The following VEGFC variants were observed in gnomAD, a reference collection of about 807,000 sequenced individuals.
The protein encoded by VEGFC is vascular endothelial growth factor C, also known as FLT4 ligand DHM.
Under a neutral mutation model 46.1 loss-of-function variants are expected in VEGFC, and 12 were observed. The observed-to-expected ratio is 0.26, with a 90% CI of 0.17 to 0.42. VEGFC has a LOEUF of 0.42. Among genes scored for constraint, VEGFC ranks in the 10% least tolerant of loss-of-function variants. The probability of loss-of-function intolerance (pLI) is 1.00; values close to 1 mark genes in which losing one functional copy is unlikely to be tolerated. For synonymous variants in VEGFC, 232 were observed against 195.5 expected (o/e 1.19, Z -1.56); for missense variants, 488 against 529.4 (o/e 0.92, Z 0.77).
At chr4:176,692,427 AAAAAACG>A (rs59833811) in intron 4 of VEGFC, among the ~76,000 whole-genome samples, 162 of 114,604 alleles carry the variant, frequency 1.4e-3, no homozygotes, top group African/African-American at 9.2e-3. Flanking sequence ...AAAAAAAAAC[AAAAAACG>A]GCACACCACG....
intron 3 of VEGFC, among the ~76,000 whole-genome samples, chr4:176,711,862 A>G (rs1401297280): frequency 6.6e-6 from 1 of 152,324 alleles, no homozygotes; most frequent in East Asian, 1.9e-4. Context: ...CCATATGTTT[A>G]TCTTATGTCA....
At chr4:176,759,203 G>A (rs1735485110) in intron 1 of VEGFC, among the ~76,000 whole-genome samples, 1 of 151,962 alleles carries the variant, frequency 6.6e-6, no homozygotes, top group African/African-American at 2.4e-5. Flanking sequence ...CTACCCTTTG[G>A]AAAGACTTCT....
chr4:176,737,520 G>A (rs1735077029), intron 1 of VEGFC, among the ~76,000 whole-genome samples: 1 of 150,432 alleles, frequency 6.6e-6, no homozygotes, highest in South Asian at 2.1e-4. Flanking sequence ...TGTAATTTAT[G>A]AATGTTCAAA....
Position 176,716,584 on chromosome 4 carries a change from G to GAAA in VEGFC, c.553-4937_553-4935dup, listed in dbSNP as rs57274087. The stretch of plus-strand genomic sequence containing the variant: ...GCCAACAGAGGTGGACTCCCTCTCC[G>GAAA]AAAAAAAAAAAAAAAAAAAAAAGAA... On this transcript the variant is annotated intron_variant, in intron 3 of 6. Transcript: ENST00000618562. Among the ~76,000 whole-genome samples the GAAA allele has an allele frequency of 6.4e-4, 28 of 43,732 alleles. 1 individual carries two copies. The highest frequency in any genetic ancestry group is 2.0e-3 in the African/African-American group (20 of 10,062). 28.7% of individuals were successfully genotyped at this position (43,732 alleles called of 152,430 possible).
intron 1 of VEGFC, among the ~76,000 whole-genome samples, chr4:176,748,383 A>G (rs972298241): frequency 1.3e-5 from 2 of 152,122 alleles, no homozygotes; most frequent in African/African-American, 4.8e-5. Context: ...ATCCAACCTC[A>G]TTAAAGTTTC....
chr4:176,739,623 C>G (rs182087549), intron 1 of VEGFC, among the ~76,000 whole-genome samples: 2 of 151,440 alleles, frequency 1.3e-5, no homozygotes, highest in African/African-American at 4.8e-5. Flanking sequence ...GGGAACGCAT[C>G]GGAAGAATAG....
chr4:176,694,977 G>A (rs1464067119), intron 4 of VEGFC, among the ~76,000 whole-genome samples: 1 of 137,476 alleles, frequency 7.3e-6, no homozygotes, highest in African/African-American at 3.0e-5. Flanking sequence ...CGCATTCAAA[G>A]CAGTGTGTAG....
intron 1 of VEGFC, among the ~76,000 whole-genome samples, chr4:176,763,342 A>T (rs1735563002): frequency 7.7e-6 from 1 of 129,750 alleles, no homozygotes; most frequent in African/African-American, 2.8e-5. Context: ...CCACATTGAA[A>T]ATAAGAGAAA....
At chr4:176,686,956 A>G (rs1488362196) in intron 6 of VEGFC, among the ~76,000 whole-genome samples, 1 of 152,158 alleles carries the variant, frequency 6.6e-6, no homozygotes, top group African/African-American at 2.4e-5. Flanking sequence ...TTTAGAGTAT[A>G]TTCTGAGCTT....
chr4:176,763,170 G>A (rs1423295534), intron 1 of VEGFC, among the ~76,000 whole-genome samples: 2 of 152,340 alleles, frequency 1.3e-5, no homozygotes, highest in South Asian at 2.1e-4. Flanking sequence ...GTCCACAGGT[G>A]CGGAGCACAA....
intron 4 of VEGFC, 149 bp downstream of exon 4, chr4:176,711,350 T>C (rs1019209542): frequency 2.3e-6 from 2 of 867,756 alleles, no homozygotes; most frequent in Non-Finnish European, 3.2e-6. Flanking sequence ...TTTCATTGTA[T>C]ACTATACAAA....
rs143175883 is a variant in VEGFC, at chr4:176,759,667, T to C, written c.148-29921A>G. Among the ~76,000 whole-genome samples, 310 of 152,224 alleles carry C rather than the reference T, an allele frequency of 2.0e-3. 1 individual carries two copies. Among genetic ancestry groups the C allele is most frequent in the African/African-American group, 7.0e-3 (293 of 41,566 alleles). ...TCAGTTTGATTTAATCATTCCACAATGTACTTCAATCAAAACGTCACAGTG... is the reference window on the plus strand; with the variant it reads ...TCAGTTTGATTTAATCATTCCACAACGTACTTCAATCAAAACGTCACAGTG... On this transcript the variant is annotated intron_variant, in intron 1 of 6. Transcript: ENST00000618562.
chr4:176,717,859 G>T (rs1219612101), intron 3 of VEGFC, among the ~76,000 whole-genome samples: 1 of 152,092 alleles, frequency 6.6e-6, no homozygotes, highest in African/African-American at 2.4e-5. Context: ...TTAGCATTTT[G>T]ACTTAGCATT....
intron 1 of VEGFC, among the ~76,000 whole-genome samples, chr4:176,752,257 C>T (rs1205994553): frequency 4.0e-5 from 6 of 151,872 alleles, no homozygotes; most frequent in Non-Finnish European, 7.4e-5. Flanking sequence ...CAGGCTGCCC[C>T]GGATCCTGAA....
At chr4:176,784,919 C>G (rs1735976731) in intron 1 of VEGFC, among the ~76,000 whole-genome samples, 1 of 152,038 alleles carries the variant, frequency 6.6e-6, no homozygotes, top group Admixed American at 6.6e-5. Context: ...TACTAAGAGG[C>G]ATCCTCAGGA....
At chr4:176,776,944 A>C (rs1241869596) in intron 1 of VEGFC, among the ~76,000 whole-genome samples, 1 of 152,180 alleles carries the variant, frequency 6.6e-6, no homozygotes, top group East Asian at 1.9e-4. Context: ...TAAGTGTTGT[A>C]TTGTTCTAAT....
chr4:176,762,024 G>A (rs1735539523), intron 1 of VEGFC, among the ~76,000 whole-genome samples: 1 of 152,278 alleles, frequency 6.6e-6, no homozygotes, highest in South Asian at 2.1e-4. Flanking sequence ...GGGAAGAGGT[G>A]GAAATCTGTT....
intron 1 of VEGFC, among the ~76,000 whole-genome samples, chr4:176,784,633 G>T (rs2110950890): frequency 6.6e-6 from 1 of 150,840 alleles, no homozygotes; most frequent in East Asian, 2.0e-4. Flanking sequence ...GGCACCTGTA[G>T]TTCCAGCTAC....
intron 1 of VEGFC, among the ~76,000 whole-genome samples, chr4:176,771,483 A>C (rs1259593481): frequency 2.0e-5 from 3 of 152,222 alleles, no homozygotes; most frequent in African/African-American, 7.2e-5. Context: ...AAATATCAAG[A>C]GTAGTAAGGA....
Sources: allele counts gnomAD v4.1 joint callset (sites outside exome capture counted in the v4.1 genomes callset), GRCh38; gene constraint gnomAD v4.1.1; transcripts MANE v1.5; gene names NCBI Gene and HGNC (gene_info 2026-07-23, HGNC 2026-07-21).